POFUT3: variants seen among roughly 807,000 people sequenced by gnomAD.
POFUT3 encodes the protein GDP-fucose protein O-fucosyltransferase 3.
chr8:33,331,842 A>AT, the POFUT3 span, among the ~76,000 whole-genome samples: 42 of 150,562 alleles, frequency 2.8e-4, no homozygotes, highest in Admixed American at 1.3e-3. Flanking sequence ...CGCCCGGCTA[A>AT]TTTTTTTTGT....
chr8:33,323,740 G>A, the POFUT3 span, among the ~76,000 whole-genome samples: 13,856 of 152,112 alleles, frequency 0.091, 1,171 homozygotes, highest in African/African-American at 0.21. Context: ...TACCTCTCTT[G>A]TCAGAAACCT....
At chr8:33,310,568 C>A in the POFUT3 span, among the ~76,000 whole-genome samples, 1 of 151,706 alleles carries the variant, frequency 6.6e-6, no homozygotes, top group South Asian at 2.1e-4. Flanking sequence ...AGATTAGCAT[C>A]CAGTCCCAGC....
the POFUT3 span, among the ~76,000 whole-genome samples, chr8:33,386,060 G>A: frequency 6.6e-6 from 1 of 151,734 alleles, no homozygotes; most frequent in Non-Finnish European, 1.5e-5. Flanking sequence ...GTGGTGGCAT[G>A]CGCTTGTAAT....
At chr8:33,354,840 AT>A in the POFUT3 span, among the ~76,000 whole-genome samples, 3 of 152,222 alleles carry the variant, frequency 2.0e-5, no homozygotes, top group Non-Finnish European at 4.4e-5. Context: ...GGGGAGGAGC[AT>A]AACAAGTAGG....
chr8:33,314,459 A>G, the POFUT3 span, among the ~76,000 whole-genome samples: 1 of 152,334 alleles, frequency 6.6e-6, no homozygotes, highest in South Asian at 2.1e-4. Context: ...ACCAGTTATT[A>G]GCTGTGAAAT....
the POFUT3 span, among the ~76,000 whole-genome samples, chr8:33,409,154 G>A: frequency 6.6e-6 from 1 of 152,136 alleles, no homozygotes; most frequent in African/African-American, 2.4e-5. Flanking sequence ...CCAGGCTGGT[G>A]TGTAGTGTCA....
At chr8:33,375,867 A>C in the POFUT3 span, among the ~76,000 whole-genome samples, 5 of 152,070 alleles carry the variant, frequency 3.3e-5, no homozygotes, top group Non-Finnish European at 7.4e-5. Context: ...AAATACAAAA[A>C]TGAGCCGGGT....
chr8:33,410,599 T>C, the POFUT3 span, among the ~76,000 whole-genome samples: 1 of 152,156 alleles, frequency 6.6e-6, no homozygotes, highest in South Asian at 2.1e-4. Flanking sequence ...TGGCAAGGTA[T>C]GAGACTCATA....
At chr8:33,373,641 T>C in the POFUT3 span, among the ~76,000 whole-genome samples, 2 of 151,728 alleles carry the variant, frequency 1.3e-5, no homozygotes, top group African/African-American at 4.8e-5. Flanking sequence ...GGATTTGACC[T>C]TCCAATAATT....
At chr8:33,323,506 G>C in the POFUT3 span, among the ~76,000 whole-genome samples, 46 of 152,264 alleles carry the variant, frequency 3.0e-4, no homozygotes, top group Non-Finnish European at 5.1e-4. Context: ...ACTTTGTGCT[G>C]TGCCTGCAAA....
the POFUT3 span, chr8:33,461,238 G>C: frequency 1.3e-6 from 1 of 771,924 alleles, no homozygotes; most frequent in Non-Finnish European, 2.0e-6. Flanking sequence ...AGGGAGGAAG[G>C]AAGGAACCAA....
chr8:33,374,143 A>C, the POFUT3 span, among the ~76,000 whole-genome samples: 1 of 152,118 alleles, frequency 6.6e-6, no homozygotes, highest in East Asian at 1.9e-4. Flanking sequence ...GGTGAACCTT[A>C]TTGTGAACTG....
At chr8:33,349,086 C>T in the POFUT3 span, among the ~76,000 whole-genome samples, 4 of 152,180 alleles carry the variant, frequency 2.6e-5, no homozygotes, top group Non-Finnish European at 5.9e-5. Flanking sequence ...ATGTATGGAG[C>T]GTGCATCTAG....
the POFUT3 span, among the ~76,000 whole-genome samples, chr8:33,397,953 T>C: frequency 6.6e-6 from 1 of 152,158 alleles, no homozygotes; most frequent in Non-Finnish European, 1.5e-5. Flanking sequence ...AGTCCTATTA[T>C]TTGAAAAGCA....
chr8:33,349,646 G>A, the POFUT3 span, among the ~76,000 whole-genome samples: 3 of 152,170 alleles, frequency 2.0e-5, no homozygotes, highest in Admixed American at 1.3e-4. Context: ...GTAGTCCATG[G>A]TGTATATGTA....
chr8:33,419,791 C>CATTTATTTAAACTTCATTT, the POFUT3 span, among the ~76,000 whole-genome samples: 1 of 152,110 alleles, frequency 6.6e-6, no homozygotes, highest in Non-Finnish European at 1.5e-5. Flanking sequence ...TATGTTAGGT[C>CATTTATTTAAACTTCATTT]ATTTATTTAA....
At chr8:33,388,406 G>A in the POFUT3 span, among the ~76,000 whole-genome samples, 30 of 141,066 alleles carry the variant, frequency 2.1e-4, 3 homozygotes, top group African/African-American at 7.2e-4. Flanking sequence ...GCATGATCTC[G>A]GCTCACTGCA....
chr8:33,389,289 G>A, the POFUT3 span: 4 of 1,613,998 alleles, frequency 2.5e-6, no homozygotes, highest in African/African-American at 5.3e-5. Flanking sequence ...AGTTTCAGTG[G>A]CCTCCAGAAC....
the POFUT3 span, chr8:33,372,396 T>C: frequency 7.3e-7 from 1 of 1,369,352 alleles, no homozygotes; most frequent in Non-Finnish European, 9.4e-7. Context: ...AAAAATATAG[T>C]GGCTACCCCT....
Sources: gnomAD v4.1 joint callset for allele counts (sites outside exome capture counted in the v4.1 genomes callset) on GRCh38, gnomAD v4.1.1 for gene constraint, MANE v1.5 for transcripts, NCBI Gene and HGNC (gene_info 2026-07-23, HGNC 2026-07-21) for gene names.